THAP9: variants seen among roughly 807,000 people sequenced by gnomAD.
The protein encoded by THAP9 is THAP domain containing 9.
A neutral mutation model predicts 35.7 loss-of-function variants in THAP9; 20 were observed. That is an observed-to-expected ratio of 0.56 (90% CI 0.39 to 0.81). The LOEUF is 0.81. Ranked by LOEUF, THAP9 falls within the 40% of genes least tolerant of loss-of-function variation. The probability of loss-of-function intolerance (pLI) is 0.00; values close to 1 mark genes in which losing one functional copy is unlikely to be tolerated. For missense variants in THAP9, 870 were observed against 1,047.4 expected, an observed-to-expected ratio of 0.83 and a Z score of 2.34; for synonymous variants, 335 against 373.7, an observed-to-expected ratio of 0.90 and a Z score of 1.19.
At chr4:82,908,486 T>A (rs183859145) in intron 4 of THAP9, among the ~76,000 whole-genome samples, 1 of 152,362 alleles carries the variant, frequency 6.6e-6, no homozygotes, top group African/African-American at 2.4e-5. Flanking sequence ...TGGATAGATA[T>A]AATTCTCTTA....
chr4:82,917,643 T>C lies in THAP9; in HGVS notation c.1431T>C (p.Ser477=). 6.2e-7 allele frequency: 1 copy of C among 1,613,892 alleles called. No homozygotes were observed. Among genetic ancestry groups the C allele is most frequent in the Non-Finnish European group, 8.5e-7 (1 of 1,179,870 alleles). ...NLKNHVLKVN[S]ATQLFSESVA... ...AAAATCATGTACTGAAAGTGAATAG[T>C]GCCACCCAACTCTTTAGTGAGAGTG... The change falls in exon 5 of 5, where the codon AGT becomes AGC. Residue 477 remains serine (S), a synonymous_variant. Coordinates refer to ENST00000302236, the MANE Select transcript of THAP9 (RefSeq NM_024672.6).
chr4:82,911,154 A>G (rs549756557), intron 4 of THAP9, among the ~76,000 whole-genome samples: 18 of 152,326 alleles, frequency 1.2e-4, no homozygotes, highest in Admixed American at 3.3e-4. Context: ...TTGCAGGAGG[A>G]TGACATCCAA....
At chr4:82,906,736 G>T (rs1260168388) in intron 3 of THAP9, 109 bp downstream of exon 3, 9 of 1,096,044 alleles carry the variant, frequency 8.2e-6, no homozygotes, top group Non-Finnish European at 1.1e-5. Flanking sequence ...CAGTTGGGAA[G>T]TGAAAGTCTC....
At chr4:82,907,757 C>A in intron 3 of THAP9, 28 bp from the exon 4 acceptor site, 1 of 1,535,566 alleles carries the variant, frequency 6.5e-7, no homozygotes, top group Non-Finnish European at 8.8e-7. Flanking sequence ...CTATTCATCA[C>A]AAAGAATAAA....
At chr4:82,907,431 A>G (rs904207395) in intron 3 of THAP9, among the ~76,000 whole-genome samples, 4 of 151,970 alleles carry the variant, frequency 2.6e-5, no homozygotes, top group African/African-American at 9.7e-5. Flanking sequence ...TGTTTTTCAT[A>G]TCTAATTTTC....
In THAP9 at chr4:82,908,565, C is replaced by T. The variant is rs557291503; in HGVS notation, c.731+630C>T. ...TTTAATACTGAATTCTTAATTTTTACTGTTTTTACCACTAGTTTTACAGAT... is the reference window on the plus strand; with the variant it reads ...TTTAATACTGAATTCTTAATTTTTATTGTTTTTACCACTAGTTTTACAGAT... On this transcript the variant is annotated intron_variant, in intron 4 of 4. Transcript: ENST00000302236. Among the ~76,000 whole-genome samples, 66 of 152,250 alleles carry T rather than the reference C, an allele frequency of 4.3e-4. 1 individual carries two copies. The South Asian group carries it at 0.013, about 30-fold the overall frequency.
Position 82,917,115 on chromosome 4 carries a change from G to A in THAP9, c.903G>A (p.Gly301=). 3 of 1,613,446 alleles carry A rather than the reference G, an allele frequency of 1.9e-6. No homozygotes were observed. Among genetic ancestry groups the A allele is most frequent in the Non-Finnish European group, 2.5e-6 (3 of 1,179,666 alleles). The change falls in exon 5 of 5, where the codon GGG becomes GGA. Residue 301 remains glycine (G), a synonymous_variant. Coordinates refer to ENST00000302236, the MANE Select transcript of THAP9 (RefSeq NM_024672.6). ...ATCCTAGCAGTCACAGTTTGCAGGG[G>A]TTTATGGACTTTGGTCTTGGAAAAC... ...QWDPSSHSLQ[G]FMDFGLGKLD... is the part of the protein sequence containing the mutation.
chr4:82,918,393 A>T lies in THAP9; in HGVS notation c.2181A>T (p.Ser727=). ...CTGGTTATGTTGCAAACAAGTTATC[A>T]GCTCTTTTAACTTGTGAGGACTGCA... The part of the protein sequence containing the change: ...CYAGYVANKL[S]ALLTCEDCIT... The change falls in exon 5 of 5, where the codon TCA becomes TCT. Residue 727 remains serine, a synonymous_variant. Coordinates refer to ENST00000302236, the MANE Select transcript of THAP9 (RefSeq NM_024672.6). 6.2e-7 allele frequency: 1 copy of T among 1,614,170 alleles called. No homozygotes were observed. Among genetic ancestry groups the T allele is most frequent in the Non-Finnish European group, 8.5e-7 (1 of 1,179,994 alleles).
At position 82,919,623 on chromosome 4, in the gene THAP9, A is replaced by C. The variant is rs917412940; in HGVS notation, c.*699A>C. 2.0e-5 allele frequency: 3 copies of C among 152,190 alleles called. No individual in the cohort carries two copies. Among genetic ancestry groups the C allele is most frequent in the Non-Finnish European group, 4.4e-5 (3 of 68,034 alleles). The allele number at this position is 152,190 out of a possible 1,614,324, so 9.4% of individuals were successfully genotyped here. On this transcript the variant is annotated 3_prime_UTR_variant, in exon 5 of 5. Coordinates refer to ENST00000302236, the MANE Select transcript of THAP9 (RefSeq NM_024672.6). ...CTGAACTTTGAAATATTACTTTTGA[A>C]TAATAGGCTGGACACTTAGTTTGAC... is the stretch of plus-strand genomic sequence containing the variant.
chr4:82,911,676 G>A (rs1254131692), intron 4 of THAP9, among the ~76,000 whole-genome samples: 1 of 152,194 alleles, frequency 6.6e-6, no homozygotes, highest in African/African-American at 2.4e-5. Context: ...CAGCCTCCCT[G>A]AGTAGCTAGA....
intron 4 of THAP9, among the ~76,000 whole-genome samples, chr4:82,908,319 G>A (rs1007652824): frequency 8.5e-5 from 13 of 152,102 alleles, no homozygotes; most frequent in African/African-American, 2.4e-4. Flanking sequence ...AATATCTGAC[G>A]ATCCTGGAAA....
At chr4:82,916,886 T>C in intron 4 of THAP9, 58 bp from the exon 5 acceptor site, 2 of 1,441,306 alleles carry the variant, frequency 1.4e-6, no homozygotes, top group East Asian at 2.3e-5. Context: ...CTTAAGGCAT[T>C]TTCCCATTTG....
chr4:82,910,149 C>T (rs1419376337), intron 4 of THAP9: 3 of 152,106 alleles, frequency 2.0e-5, no homozygotes, highest in Non-Finnish European at 4.4e-5. Context: ...AATTCCAGCG[C>T]ACATTTATCT....
At position 82,918,221 on chromosome 4, in the gene THAP9, C is replaced by T. The variant is rs141598796; in HGVS notation, c.2009C>T (p.Ala670Val). The change falls in exon 5 of 5, where the codon GCG (alanine) becomes GTG (valine). Residue 670 changes from alanine to valine, a missense_variant. This residue lies in a region of THAP9 where 414 missense variants were observed against 500.8 expected (regional missense o/e 0.83). Transcript: ENST00000302236. ...DISIARRKDL[A>V]LWTVQRQYGV... ...TCAATTGCTCGAAGGAAAGACTTGG[C>T]GCTTTGGACAGTTCAACGTCAGTAT... 99 of 1,614,012 alleles carry T rather than the reference C, an allele frequency of 6.1e-5. 1 individual carries two copies. In the East Asian group the frequency reaches 1.6e-3, roughly 26 times the overall value.
In THAP9 at chr4:82,917,437, A is replaced by T; in HGVS notation, c.1225A>T (p.Ile409Phe). 6.2e-7 allele frequency: 1 copy of T among 1,614,088 alleles called. No individual in the cohort carries two copies. The highest frequency in any genetic ancestry group is 1.1e-5 in the South Asian group (1 of 91,088). ...FQHPSSSSQQ[I>F]AYFFDSCHLL... ...GCATCCTTCATCTTCTAGTCAACAG[A>T]TTGCATACTTCTTTGACTCTTGCCA... is the stretch of plus-strand genomic sequence containing the variant. The change falls in exon 5 of 5, where the codon ATT becomes TTT. Residue 409 changes from isoleucine (I) to phenylalanine (F), a missense_variant. Around this residue, in one of 3 missense-constraint regions of THAP9, gnomAD observed 440 missense variants for 501.2 expected, o/e 0.88. Transcript: ENST00000302236.
chr4:82,918,630 G>A lies in THAP9; in HGVS notation c.2418G>A (p.Glu806=), dbSNP rs1721132925. 1 of 1,614,052 alleles carries A rather than the reference G, an allele frequency of 6.2e-7. No individual in the cohort carries two copies. The highest frequency in any genetic ancestry group is 8.5e-7 in the Non-Finnish European group (1 of 1,179,960). The change falls in exon 5 of 5, where the codon GAG becomes GAA. Residue 806 remains glutamate (E), a synonymous_variant. Coordinates refer to ENST00000302236, the MANE Select transcript of THAP9 (RefSeq NM_024672.6). The part of the protein sequence containing the change: ...ELYLQQKILC[E]LSGHINLFVD... Reference sequence around the variant, plus strand: ...ATCTTCAACAGAAAATATTATGTGAGCTTTCTGGGCATATTAATCTTTTTG... The same window carrying A: ...ATCTTCAACAGAAAATATTATGTGAACTTTCTGGGCATATTAATCTTTTTG...
At chr4:82,901,974 C>T (rs930388830) in intron 1 of THAP9, among the ~76,000 whole-genome samples, 3 of 151,936 alleles carry the variant, frequency 2.0e-5, no homozygotes, top group East Asian at 1.9e-4. Flanking sequence ...AAAACTAAAA[C>T]GTAAGACTTT....
chr4:82,917,280 G>T lies in THAP9; in HGVS notation c.1068G>T (p.Leu356=). ...SGYLQAQLLR[L]TIGKLSDIGI... ...ATTTGCAGGCTCAGCTGCTTCGTCT[G>T]ACTATTGGTAAACTGAGTGACATAG... Residue 356 remains leucine (L), a synonymous_variant, in exon 5 of 5, where the codon CTG becomes CTT. Transcript: ENST00000302236. The T allele has an allele frequency of 6.2e-7, 1 of 1,614,108 alleles. No individual in the cohort carries two copies. The highest frequency in any genetic ancestry group is 1.1e-5 in the South Asian group (1 of 91,072).
chr4:82,902,892 G>A (rs1720484892), intron 1 of THAP9, among the ~76,000 whole-genome samples: 1 of 152,162 alleles, frequency 6.6e-6, no homozygotes, highest in Non-Finnish European at 1.5e-5. Flanking sequence ...AGCCCTGTGA[G>A]GAAGTTCTAA....
Sources: allele counts gnomAD v4.1 joint callset (sites outside exome capture counted in the v4.1 genomes callset), GRCh38; gene constraint gnomAD v4.1.1; regional missense constraint gnomAD v4.1.1; transcripts MANE v1.5; gene names NCBI Gene and HGNC (gene_info 2026-07-23, HGNC 2026-07-21).